PAICS: variants seen among roughly 807,000 people sequenced by gnomAD.
The protein encoded by PAICS is bifunctional phosphoribosylaminoimidazole carboxylase/phosphoribosylaminoimidazole succinocarboxamide synthetase.
Under a neutral mutation model 53.7 loss-of-function variants are expected in PAICS, and 33 were observed. The ratio of observed to expected loss-of-function variants is 0.61; its 90% CI spans 0.47 to 0.82. PAICS has a LOEUF of 0.82. PAICS is among the 40% of genes least tolerant of loss of function. The pLI is 0.00. For missense variants in PAICS, 394 were observed against 494.1 expected (o/e 0.80, Z 1.92); for synonymous variants, 141 against 167.2 (o/e 0.84, Z 1.21).
At chr4:56,435,258 G>C (rs989662198), upstream of PAICS, 6 of 1,566,382 alleles carry the variant, frequency 3.8e-6, no homozygotes, top group Admixed American at 5.2e-5. Flanking sequence ...CGGTCCTCCC[G>C]GGCCCTCGGG....
intron 2 of PAICS, among the ~76,000 whole-genome samples, chr4:56,443,153 C>T (rs986042681): frequency 1.2e-4 from 18 of 151,982 alleles, no homozygotes; most frequent in African/African-American, 4.1e-4. Flanking sequence ...TTTGCAATAC[C>T]GATAAGTGTT....
At chr4:56,414,533 G>T in the PAICS span, among the ~76,000 whole-genome samples, 3 of 152,102 alleles carry the variant, frequency 2.0e-5, no homozygotes, top group Non-Finnish European at 4.4e-5. Context: ...CAAATGTATC[G>T]CAAGTAATGA....
chr4:56,416,136 A>T, the PAICS span, among the ~76,000 whole-genome samples: 1 of 152,180 alleles, frequency 6.6e-6, no homozygotes, highest in Non-Finnish European at 1.5e-5. Flanking sequence ...TTAAAAAATT[A>T]TCAAACAATT....
chr4:56,419,821 T>G, the PAICS span: 35 of 984,210 alleles, frequency 3.6e-5, no homozygotes, highest in Non-Finnish European at 4.2e-5. Context: ...AAATTTGGAA[T>G]AGACAGAGAC....
chr4:56,416,514 T>C, the PAICS span: 41 of 176,880 alleles, frequency 2.3e-4, no homozygotes, highest in Admixed American at 9.8e-4. Context: ...TCTGAGAAAA[T>C]TGACAATTTT....
chr4:56,419,870 C>T, the PAICS span: 660,136 of 981,546 alleles, frequency 0.67, 222,586 homozygotes, highest in South Asian at 0.77. Flanking sequence ...ACCTAAAACA[C>T]GAATACAAGA....
the PAICS span, chr4:56,422,883 C>A: frequency 2.0e-5 from 3 of 152,214 alleles, no homozygotes; most frequent in Admixed American, 6.5e-5. Context: ...TGAGAACTTA[C>A]TCAAAATGCA....
the PAICS span, chr4:56,410,923 A>T: frequency 1.1e-6 from 1 of 902,750 alleles, no homozygotes; most frequent in Non-Finnish European, 1.3e-6. Context: ...AAAAAAAAAA[A>T]AAAAAGAAAA....
upstream of PAICS, among the ~76,000 whole-genome samples, chr4:56,432,701 C>T (rs562721045): frequency 3.3e-5 from 5 of 150,248 alleles, no homozygotes; most frequent in Non-Finnish European, 5.9e-5. Context: ...AGGAGAATGG[C>T]GTGAACCCGG....
chr4:56,425,116 C>G, the PAICS span, among the ~76,000 whole-genome samples: 2 of 152,086 alleles, frequency 1.3e-5, no homozygotes, highest in African/African-American at 4.8e-5. Context: ...ATGAGATGGC[C>G]AGCAGGGGGC....
Position 56,459,378 on chromosome 4 carries a change from G to T in PAICS, c.1118G>T (p.Gly373Val). 1.3e-6 allele frequency: 2 copies of T among 1,581,762 alleles called. No individual in the cohort carries two copies. Among genetic ancestry groups the T allele is most frequent in the Non-Finnish European group, 1.7e-6 (2 of 1,158,984 alleles). ...TTCCTTGCTGAACCAATAGGTCTTG[G>T]CTGTTCAACCGTACTTTCTCCAGAA... ...WSSLRLPSGLGCSTVLSPEGS... is the reference protein window; with the variant it reads ...WSSLRLPSGLVCSTVLSPEGS... Residue 373 changes from glycine to valine, a missense_variant, in exon 9 of 9, where the codon GGC becomes GTC. Gly to Val is a moderately radical substitution (Grantham distance 109). Transcript: ENST00000512576.
Position 56,448,496 on chromosome 4 carries a change from G to C in PAICS, c.472G>C (p.Gly158Arg), listed in dbSNP as rs2110089624. 6.2e-7 allele frequency: 1 copy of C among 1,612,826 alleles called. No individual in the cohort carries two copies. The highest frequency in any genetic ancestry group is 2.2e-5 in the East Asian group (1 of 44,826). ...AKFCFAGLLI[G>R]QTEVDIMSHA... The stretch of plus-strand genomic sequence containing the variant: ...ATTTTGCTTTGCTGGACTTCTTATA[G>C]GCCAGACTGAAGTGGATATCATGAG... The change falls in exon 4 of 9, where the codon GGC (glycine) becomes CGC (arginine). Residue 158 changes from glycine to arginine, a missense_variant. This residue lies in a region of PAICS where 168 missense variants were observed against 199.3 expected (regional missense o/e 0.84). Transcript: ENST00000512576.
At chr4:56,435,749 G>C (rs1490307303), upstream of PAICS, 6 of 1,489,278 alleles carry the variant, frequency 4.0e-6, no homozygotes, top group Non-Finnish European at 5.4e-6. Context: ...GTAGGGTGGA[G>C]CTAGCCTTCC....
At chr4:56,444,414 G>GTA (rs932522074) in intron 2 of PAICS, among the ~76,000 whole-genome samples, 2 of 152,186 alleles carry the variant, frequency 1.3e-5, no homozygotes, top group African/African-American at 4.8e-5. Context: ...TGTAATACTA[G>GTA]TATATGAAGA....
chr4:56,430,978 T>C (rs1053381530), upstream of PAICS, among the ~76,000 whole-genome samples: 1 of 151,646 alleles, frequency 6.6e-6, no homozygotes, highest in Non-Finnish European at 1.5e-5. Context: ...TTCAGACTAA[T>C]GCAAAAAGCT....
chr4:56,458,268 T>G (rs1719326866), intron 8 of PAICS, among the ~76,000 whole-genome samples: 1 of 149,892 alleles, frequency 6.7e-6, no homozygotes, highest in Admixed American at 6.8e-5. Flanking sequence ...TCTGATGTCA[T>G]GCTCACTAGA....
upstream of PAICS, chr4:56,436,104 A>C: frequency 6.1e-6 from 9 of 1,466,270 alleles, no homozygotes; most frequent in East Asian, 2.6e-5. Flanking sequence ...GCGGGAAGCC[A>C]GTGGGGCGTT....
upstream of PAICS, among the ~76,000 whole-genome samples, chr4:56,431,802 G>T (rs142074023): frequency 5.2e-4 from 79 of 152,288 alleles, no homozygotes; most frequent in African/African-American, 1.9e-3. Flanking sequence ...TTTATTCTAA[G>T]AAGGGGTGTC....
Position 56,448,451 on chromosome 4 carries a change from G to C in PAICS, c.427G>C (p.Glu143Gln). 3.1e-6 allele frequency: 5 copies of C among 1,610,264 alleles called. No homozygotes were observed. Among genetic ancestry groups the C allele is most frequent in the Non-Finnish European group, 4.2e-6 (5 of 1,177,354 alleles). Residue 143 changes from glutamate to glutamine, a missense_variant, in exon 4 of 9, where the codon GAA (glutamate) becomes CAA (glutamine). This residue lies in a region of PAICS where 168 missense variants were observed against 199.3 expected (regional missense o/e 0.84). Transcript: ENST00000512576. Reference protein sequence around the residue: ...DANNDPQWSEEQLIAAKFCFA... With the variant: ...DANNDPQWSEQQLIAAKFCFA... ...CAATAATGACCCACAGTGGTCTGAG[G>C]AACAGCTGATTGCTGCAAAATTTTG...
Sources: allele counts gnomAD v4.1 joint callset (sites outside exome capture counted in the v4.1 genomes callset), GRCh38; gene constraint gnomAD v4.1.1; regional missense constraint gnomAD v4.1.1; transcripts MANE v1.5; gene names NCBI Gene and HGNC (gene_info 2026-07-23, HGNC 2026-07-21).